The following KCNT2 variants were observed in gnomAD, a reference collection of about 807,000 sequenced individuals.
The protein encoded by KCNT2 is potassium sodium-activated channel subfamily T member 2.
KCNT2 carries 67 observed loss-of-function variants against 153.8 expected under a neutral mutation model. The observed-to-expected ratio is 0.44, with a 90% CI of 0.36 to 0.53. The LOEUF is 0.53. Among genes scored for constraint, KCNT2 ranks in the 20% least tolerant of loss-of-function variants. The pLI, the probability that KCNT2 is intolerant of heterozygous loss-of-function variation, is 0.00. For synonymous variants in KCNT2, 500 were observed against 458.8 expected (o/e 1.09, Z -1.15); for missense variants, 975 against 1,354.8 (o/e 0.72, Z 4.40).
intron 12 of KCNT2, among the ~76,000 whole-genome samples, chr1:196,417,875 A>G (rs1306431557): frequency 6.6e-6 from 1 of 152,122 alleles, no homozygotes; most frequent in Non-Finnish European, 1.5e-5. Context: ...TACAACAGCT[A>G]TGATGTCACT....
intron 27 of KCNT2, 138 bp from the exon 28 acceptor site, chr1:196,228,473 G>T: frequency 3.8e-6 from 2 of 532,076 alleles, no homozygotes; most frequent in Non-Finnish European, 3.2e-6. Context: ...ATTGGTGGTA[G>T]AACTCACTGT....
chr1:196,357,944 A>G (rs1170684390), intron 14 of KCNT2, among the ~76,000 whole-genome samples: 3 of 151,786 alleles, frequency 2.0e-5, no homozygotes, highest in East Asian at 3.9e-4. Context: ...AATTTTCTTC[A>G]TCATTAGTGT....
At chr1:196,380,330 C>T (rs1669369705) in intron 13 of KCNT2, among the ~76,000 whole-genome samples, 1 of 152,136 alleles carries the variant, frequency 6.6e-6, no homozygotes, top group Non-Finnish European at 1.5e-5. Flanking sequence ...TAAAAAATTA[C>T]AATTGAGATG....
intron 26 of KCNT2, among the ~76,000 whole-genome samples, chr1:196,252,403 A>G (rs1484168162): frequency 6.6e-6 from 1 of 151,770 alleles, no homozygotes; most frequent in Non-Finnish European, 1.5e-5. Flanking sequence ...TAGCAAAACT[A>G]GTGTGCTATT....
Position 196,469,050 on chromosome 1 carries a change from T to G in KCNT2, c.403A>C (p.Ile135Leu). Residue 135 changes from isoleucine (I) to leucine (L), a missense_variant, in exon 6 of 28, where the codon ATT becomes CTT. Physicochemically the swap from Ile to Leu is conservative, Grantham distance 5 (BLOSUM62 2). Around this residue, in one of 6 missense-constraint regions of KCNT2, gnomAD observed 140 missense variants for 216.0 expected, o/e 0.65. Transcript: ENST00000294725. ...LSYKGNIWEQ[I>L]LRIPFILEII... ...TCCAAGATGAAGGGTATTCGTAAAA[T>G]CTGTTCCCAGATGTTTCCCTTCCAA... 1 of 1,596,290 alleles carries G rather than the reference T, an allele frequency of 6.3e-7. No individual in the cohort carries two copies. Among genetic ancestry groups the G allele is most frequent in the Non-Finnish European group, 8.6e-7 (1 of 1,167,738 alleles).
chr1:196,348,219 A>C (rs1029808492), intron 14 of KCNT2, among the ~76,000 whole-genome samples: 1 of 151,648 alleles, frequency 6.6e-6, no homozygotes, highest in Non-Finnish European at 1.5e-5. Flanking sequence ...AAAAAAAAAA[A>C]CTGAGTTTCA....
intron 16 of KCNT2, among the ~76,000 whole-genome samples, chr1:196,338,942 T>G (rs939677222): frequency 6.3e-5 from 9 of 141,900 alleles, no homozygotes; most frequent in African/African-American, 2.4e-4. Context: ...GTCATCTGCT[T>G]TTTAGCAAAA....
At chr1:196,525,648 T>A (rs940430120) in intron 1 of KCNT2, among the ~76,000 whole-genome samples, 1 of 152,170 alleles carries the variant, frequency 6.6e-6, no homozygotes, top group African/African-American at 2.4e-5. Context: ...GCTAAATTTG[T>A]GAATTCATGA....
intron 3 of KCNT2, among the ~76,000 whole-genome samples, chr1:196,483,978 T>C (rs1030970368): frequency 6.6e-6 from 1 of 152,090 alleles, no homozygotes; most frequent in Non-Finnish European, 1.5e-5. Context: ...TATTTTTATA[T>C]TCTGAGTAAC....
intron 22 of KCNT2, among the ~76,000 whole-genome samples, chr1:196,287,587 A>G (rs1379386326): frequency 6.6e-6 from 1 of 152,118 alleles, no homozygotes; most frequent in Non-Finnish European, 1.5e-5. Flanking sequence ...TCCCATCTCC[A>G]CACATCTGAA....
At chr1:196,583,577 C>T (rs1662312155) in intron 1 of KCNT2, among the ~76,000 whole-genome samples, 1 of 151,766 alleles carries the variant, frequency 6.6e-6, no homozygotes, top group Admixed American at 6.6e-5. Flanking sequence ...CTTGATAAAA[C>T]ATAATTTTTA....
rs1039470275 is a variant in KCNT2 at position 196,364,106 on chromosome 1, C to T, written c.1403+9034G>A. On this transcript the variant is annotated intron_variant, in intron 14 of 27. Coordinates refer to ENST00000294725, the MANE Select transcript of KCNT2 (RefSeq NM_198503.5). ...GACATTAATGAAAAAAAATAAAATT[C>T]AAATAAGGCCTATAATTTAGTCAAT... Among the ~76,000 whole-genome samples the T allele has an allele frequency of 2.6e-5, 4 of 151,928 alleles. No homozygotes were observed. In the East Asian group the frequency reaches 5.8e-4, roughly 22 times the overall value.
At chr1:196,397,120 G>A (rs1671003344) in intron 13 of KCNT2, among the ~76,000 whole-genome samples, 3 of 151,408 alleles carry the variant, frequency 2.0e-5, no homozygotes, top group African/African-American at 7.2e-5. Flanking sequence ...AGGAAATAAG[G>A]CTCAAAATAG....
chr1:196,313,373 G>C (rs1227673295), intron 21 of KCNT2, among the ~76,000 whole-genome samples: 1 of 151,524 alleles, frequency 6.6e-6, no homozygotes, highest in Non-Finnish European at 1.5e-5. Flanking sequence ...GTGAAGGTCA[G>C]ATATTCAAAG....
intron 1 of KCNT2, among the ~76,000 whole-genome samples, chr1:196,599,717 T>C (rs1664498970): frequency 6.6e-6 from 1 of 152,216 alleles, no homozygotes; most frequent in Admixed American, 6.5e-5. Context: ...AATTGGGTTC[T>C]GTTTCTGTTT....
intron 2 of KCNT2, among the ~76,000 whole-genome samples, chr1:196,490,654 G>T (rs929396887): frequency 6.6e-6 from 1 of 151,472 alleles, no homozygotes; most frequent in East Asian, 1.9e-4. Flanking sequence ...TTAAACTTTT[G>T]TGGGAATTAA....
At chr1:196,274,066 C>T (rs1196181425) in intron 25 of KCNT2, among the ~76,000 whole-genome samples, 1 of 151,538 alleles carries the variant, frequency 6.6e-6, no homozygotes, top group East Asian at 1.9e-4. Flanking sequence ...TCAGATCTTA[C>T]AGTAAGATTG....
intron 1 of KCNT2, among the ~76,000 whole-genome samples, chr1:196,573,626 A>G (rs1460031790): frequency 6.6e-6 from 1 of 152,042 alleles, no homozygotes; most frequent in African/African-American, 2.4e-5. Context: ...CTAATAAATA[A>G]AATATGAAAG....
chr1:196,591,106 AGGTGTT>A lies in KCNT2; in HGVS notation c.95+17103_95+17108del. On this transcript the variant is annotated intron_variant, in intron 1 of 27. Coordinates refer to ENST00000294725, the MANE Select transcript of KCNT2 (RefSeq NM_198503.5). ...CAATGTTGGAGGTGGGGCTAATGGG[AGGTGTT>A]TGGGTCATGAGGGCGGATCCTTCAT... is the stretch of plus-strand genomic sequence containing the variant. Among the ~76,000 whole-genome samples the A allele has an allele frequency of 2.0e-5, 3 of 152,132 alleles. No individual in the cohort carries two copies. The South Asian group carries it at 6.2e-4, about 32-fold the overall frequency.
Sources: allele counts gnomAD v4.1 joint callset (sites outside exome capture counted in the v4.1 genomes callset), GRCh38; gene constraint gnomAD v4.1.1; regional missense constraint gnomAD v4.1.1; transcripts MANE v1.5; gene names NCBI Gene and HGNC (gene_info 2026-07-23, HGNC 2026-07-21).